IRAK4: variants seen among roughly 807,000 people sequenced by gnomAD.
The protein encoded by IRAK4 is interleukin 1 receptor associated kinase 4.
In IRAK4, 44 loss-of-function variants were observed where a neutral mutation model predicts 51.8. The observed-to-expected ratio is 0.85, with a 90% confidence interval of 0.67 to 1.09. The LOEUF (loss-of-function observed/expected upper bound fraction) is 1.09. Among genes scored for constraint, IRAK4 ranks in the 50% least tolerant of loss-of-function variants. IRAK4 has a pLI of 0.00. For missense variants in IRAK4, 487 were observed against 538.0 expected (o/e 0.91, Z 0.94); for synonymous variants, 149 against 174.1 (o/e 0.86, Z 1.13).
chr12:43,776,457 G>A (rs1329651299), intron 6 of IRAK4, among the ~76,000 whole-genome samples: 4 of 152,180 alleles, frequency 2.6e-5, no homozygotes, highest in African/African-American at 7.2e-5. Flanking sequence ...ATATTTATGA[G>A]ACTAGAAGAA....
chr12:43,768,027 A>G, intron 1 of IRAK4, 76 bp from the exon 2 acceptor site: 1 of 1,042,982 alleles, frequency 9.6e-7, no homozygotes, highest in East Asian at 2.5e-5. Context: ...TGATATAGCA[A>G]AGTGTGATAT....
intron 4 of IRAK4, 24 bp downstream of exon 4, chr12:43,772,386 C>G (rs759590921): frequency 1.6e-5 from 25 of 1,593,262 alleles, no homozygotes; most frequent in Non-Finnish European, 2.1e-5. Flanking sequence ...TCAGTGCTTT[C>G]CACTAGGGAT....
Position 43,788,464 on chromosome 12 carries a change from C to G in IRAK4, c.*1749C>G, listed in dbSNP as rs900615971. The G allele has an allele frequency of 7.2e-5, 11 of 152,298 alleles. No individual in the cohort carries two copies. The highest frequency in any genetic ancestry group is 1.3e-4 in the Non-Finnish European group (9 of 68,124). The allele number at this position is 152,298 out of a possible 1,614,324, so 9.4% of individuals were successfully genotyped here. On this transcript the variant is annotated 3_prime_UTR_variant, in exon 12 of 12. Coordinates refer to ENST00000613694, the MANE Select transcript of IRAK4 (RefSeq NM_016123.4). Reference sequence around the variant, plus strand: ...CTGCAAAGCCACAGGAGTGGAGCTGCCCACGGCCTCGAGGGCCCACCCCTT... The same window carrying G: ...CTGCAAAGCCACAGGAGTGGAGCTGGCCACGGCCTCGAGGGCCCACCCCTT...
intron 9 of IRAK4, among the ~76,000 whole-genome samples, chr12:43,782,838 A>G (rs1941897069): frequency 6.6e-6 from 1 of 152,192 alleles, no homozygotes; most frequent in African/African-American, 2.4e-5. Flanking sequence ...AACTTTTAAG[A>G]TAGAGCAAGA....
At chr12:43,765,752 C>T (rs1002346774) in intron 1 of IRAK4, among the ~76,000 whole-genome samples, 2 of 151,652 alleles carry the variant, frequency 1.3e-5, no homozygotes, top group Non-Finnish European at 2.9e-5. Context: ...TGAAACCTCT[C>T]TCCTAAGCTC....
In IRAK4 at chr12:43,786,829, A is replaced by T; in HGVS notation, c.*114A>T. The T allele has an allele frequency of 1.1e-6, 1 of 879,826 alleles. No homozygotes were observed. Among genetic ancestry groups the T allele is most frequent in the South Asian group, 1.5e-5 (1 of 67,584 alleles). The allele number at this position is 879,826 out of a possible 1,614,324, so 54.5% of individuals were successfully genotyped here. On this transcript the variant is annotated 3_prime_UTR_variant, in exon 12 of 12. Transcript: ENST00000613694. Reference sequence around the variant, plus strand: ...CCTTTAACAAGGCATAGGCTGTTGCAGGACAGTGGTTATTAAAGCATGGGT... The same window carrying T: ...CCTTTAACAAGGCATAGGCTGTTGCTGGACAGTGGTTATTAAAGCATGGGT...
chr12:43,778,559 G>A (rs1941500325), intron 8 of IRAK4, among the ~76,000 whole-genome samples: 1 of 151,934 alleles, frequency 6.6e-6, no homozygotes, highest in Non-Finnish European at 1.5e-5. Context: ...TGACACTTTT[G>A]CCTTATGGAA....
At chr12:43,773,370 T>C (rs1940973114) in intron 5 of IRAK4, among the ~76,000 whole-genome samples, 1 of 152,152 alleles carries the variant, frequency 6.6e-6, no homozygotes, top group Non-Finnish European at 1.5e-5. Flanking sequence ...AAGATTAAAA[T>C]GGTAAGATAC....
At chr12:43,769,280 T>C (rs1339374223) in intron 2 of IRAK4, among the ~76,000 whole-genome samples, 1 of 152,206 alleles carries the variant, frequency 6.6e-6, no homozygotes, top group Non-Finnish European at 1.5e-5. Flanking sequence ...GAGTAACTGA[T>C]TCATGCAAGG....
Position 43,786,843 on chromosome 12 carries a change from T to A in IRAK4, c.*128T>A. On this transcript the variant is annotated 3_prime_UTR_variant, in exon 12 of 12. Transcript: ENST00000613694. Reference sequence around the variant, plus strand: ...TAGGCTGTTGCAGGACAGTGGTTATTAAAGCATGGGTTGAACTTCCAAAAT... The same window carrying A: ...TAGGCTGTTGCAGGACAGTGGTTATAAAAGCATGGGTTGAACTTCCAAAAT... 1 of 794,926 alleles carries A rather than the reference T, an allele frequency of 1.3e-6. No individual in the cohort carries two copies. Among genetic ancestry groups the A allele is most frequent in the Non-Finnish European group, 2.1e-6 (1 of 478,366 alleles). 49.2% of individuals were successfully genotyped at this position (794,926 alleles called of 1,614,324 possible). A position where few individuals can be genotyped will look rare whatever the true frequency, so the allele number is the denominator to read the frequency against.
intron 10 of IRAK4, among the ~76,000 whole-genome samples, chr12:43,784,082 A>T (rs1942013813): frequency 6.6e-6 from 1 of 152,200 alleles, no homozygotes; most frequent in Non-Finnish European, 1.5e-5. Flanking sequence ...GGGAAAAAAA[A>T]GGCTTCCATT....
At chr12:43,771,153 T>C in intron 2 of IRAK4, 67 bp from the exon 3 acceptor site, 2 of 1,326,470 alleles carry the variant, frequency 1.5e-6, no homozygotes, top group Non-Finnish European at 2.2e-6. Context: ...TGTGGTATTC[T>C]ATTATTGCAG....
chr12:43,771,656 T>C (rs149176745), intron 3 of IRAK4, among the ~76,000 whole-genome samples: 1 of 152,330 alleles, frequency 6.6e-6, no homozygotes, highest in East Asian at 1.9e-4. Context: ...AAAGTAATTA[T>C]AATTTTGAGT....
intron 1 of IRAK4, 87 bp from the exon 2 acceptor site, chr12:43,768,016 A>G (rs1940348743): frequency 2.2e-6 from 2 of 923,198 alleles, no homozygotes; most frequent in Non-Finnish European, 3.5e-6. Flanking sequence ...GACATTTCAT[A>G]TGATATAGCA....
rs746729422 is a variant in IRAK4 at position 43,771,302 on chromosome 12, G to A, written c.244G>A (p.Gly82Ser). The stretch of plus-strand genomic sequence containing the variant: ...CTGGGGCACCACAAATTGCACAGTT[G>A]GTGATCTTGTGGATCTTTTGATCCA... ...FDWGTTNCTV[G>S]DLVDLLIQNE... Residue 82 changes from glycine to serine, a missense_variant, in exon 3 of 12, where the codon GGT (glycine) becomes AGT (serine). Gly to Ser is a moderately conservative substitution (Grantham distance 56, BLOSUM62 0). Coordinates refer to ENST00000613694, the MANE Select transcript of IRAK4 (RefSeq NM_016123.4). 1.2e-6 allele frequency: 2 copies of A among 1,614,106 alleles called. No homozygotes were observed. The highest frequency in any genetic ancestry group is 1.3e-5 in the African/African-American group (1 of 75,050).
At chr12:43,766,152 C>G (rs1485499388) in intron 1 of IRAK4, among the ~76,000 whole-genome samples, 1 of 152,142 alleles carries the variant, frequency 6.6e-6, no homozygotes, top group Non-Finnish European at 1.5e-5. Context: ...AGTTCAAACT[C>G]TTTGTCTTAG....
chr12:43,771,122 T>C, intron 2 of IRAK4, 98 bp from the exon 3 acceptor site: 1 of 1,079,704 alleles, frequency 9.3e-7, no homozygotes, highest in Non-Finnish European at 1.4e-6. Flanking sequence ...AAATTAACTA[T>C]TATTTATAAA....
chr12:43,772,105 C>G, intron 3 of IRAK4, 75 bp from the exon 4 acceptor site: 1 of 1,172,698 alleles, frequency 8.5e-7, no homozygotes, highest in Non-Finnish European at 1.3e-6. Context: ...TTAAATGAAC[C>G]AAGTTTCTAG....
chr12:43,781,782 G>A (rs1214001336), intron 8 of IRAK4, among the ~76,000 whole-genome samples: 1 of 152,162 alleles, frequency 6.6e-6, no homozygotes, highest in Non-Finnish European at 1.5e-5. Context: ...AAGTATGAAA[G>A]CACATAATGA....
Sources: gnomAD v4.1 joint callset for allele counts (sites outside exome capture counted in the v4.1 genomes callset) on GRCh38, gnomAD v4.1.1 for gene constraint, MANE v1.5 for transcripts, NCBI Gene and HGNC (gene_info 2026-07-23, HGNC 2026-07-21) for gene names.